Variants in HPSE2 observed in about 807,000 individuals in gnomAD.
The protein encoded by HPSE2 is heparanase 2 (inactive).
A neutral mutation model predicts 60.5 loss-of-function variants in HPSE2; 38 were observed. The observed-to-expected ratio is 0.63, with a 90% CI of 0.48 to 0.82. The LOEUF (loss-of-function observed/expected upper bound fraction) is 0.82. HPSE2 is among the 40% of genes least tolerant of loss of function. HPSE2 has a pLI of 0.00. For missense variants in HPSE2, 713 were observed against 740.4 expected (o/e 0.96, Z 0.43); for synonymous variants, 295 against 293.2 (o/e 1.01, Z -0.06).
chr10:98,507,217 T>A lies in HPSE2; in HGVS notation c.1321-17021A>T, dbSNP rs1339330355. ...CTCATAGGTTGATGGGAGTTATTGGTAATGTTTTAGTTTTGGGGTGGAGTG... is the reference window on the plus strand; with the variant it reads ...CTCATAGGTTGATGGGAGTTATTGGAAATGTTTTAGTTTTGGGGTGGAGTG... On this transcript the variant is annotated intron_variant, in intron 9 of 11. Transcript: ENST00000370552. 2.0e-5 allele frequency among the ~76,000 whole-genome samples: 3 copies of A among 152,160 alleles called. No homozygotes were observed. In the East Asian group the frequency reaches 5.8e-4, roughly 29 times the overall value.
the HPSE2 span, among the ~76,000 whole-genome samples, chr10:99,271,552 T>C: frequency 3.9e-3 from 591 of 152,258 alleles, 4 homozygotes; most frequent in African/African-American, 0.012. Context: ...ATCAATATTG[T>C]GAAAATCATC....
chr10:98,532,736 C>G (rs1943168471), intron 9 of HPSE2, among the ~76,000 whole-genome samples: 1 of 152,134 alleles, frequency 6.6e-6, no homozygotes, highest in Admixed American at 6.5e-5. Flanking sequence ...AAAGATTCTT[C>G]CAGGTATAAT....
intron 7 of HPSE2, among the ~76,000 whole-genome samples, chr10:98,630,195 G>GTTTTTT (rs149014315): frequency 1.6e-5 from 2 of 127,290 alleles, no homozygotes; most frequent in Non-Finnish European, 3.3e-5. Context: ...TTTTTTTTTT[G>GTTTTTT]TTTTTTTTTT....
chr10:99,037,958 A>G (rs1251288898), intron 3 of HPSE2, among the ~76,000 whole-genome samples: 1 of 152,168 alleles, frequency 6.6e-6, no homozygotes, highest in Non-Finnish European at 1.5e-5. Flanking sequence ...ATCACTAGCC[A>G]TTAGGGAAAT....
intron 3 of HPSE2, among the ~76,000 whole-genome samples, chr10:98,829,249 G>A (rs529337121): frequency 3.6e-4 from 55 of 152,254 alleles, no homozygotes; most frequent in African/African-American, 1.3e-3. Context: ...AGAAAGTTGG[G>A]CTGGGCGCAG....
chr10:99,143,259 T>C (rs994658551), intron 3 of HPSE2, among the ~76,000 whole-genome samples: 3 of 152,126 alleles, frequency 2.0e-5, no homozygotes, highest in African/African-American at 7.2e-5. Flanking sequence ...AGGTACAAGA[T>C]GAAAAGCTGG....
At chr10:98,545,423 G>T (rs1039262159) in intron 9 of HPSE2, among the ~76,000 whole-genome samples, 1 of 152,080 alleles carries the variant, frequency 6.6e-6, no homozygotes, top group Non-Finnish European at 1.5e-5. Flanking sequence ...CTGGCAAATC[G>T]AATCCAGCAG....
intron 6 of HPSE2, among the ~76,000 whole-genome samples, chr10:98,653,507 A>G (rs1201512855): frequency 6.7e-6 from 1 of 150,046 alleles, no homozygotes; most frequent in Non-Finnish European, 1.5e-5. Context: ...GTATACTATT[A>G]TATTTCTTTC....
intron 9 of HPSE2, among the ~76,000 whole-genome samples, chr10:98,598,024 A>G (rs1471598683): frequency 2.0e-5 from 3 of 148,600 alleles, no homozygotes; most frequent in African/African-American, 5.0e-5. Flanking sequence ...TGTCCCATGG[A>G]TCCCATAGGC....
At chr10:98,634,843 C>T (rs534069344) in intron 7 of HPSE2, among the ~76,000 whole-genome samples, 7 of 152,258 alleles carry the variant, frequency 4.6e-5, no homozygotes, top group Admixed American at 2.6e-4. Context: ...ATGTCTACCA[C>T]GAGTGGTTCT....
chr10:98,590,172 G>T (rs1945049442), intron 9 of HPSE2, among the ~76,000 whole-genome samples: 1 of 152,264 alleles, frequency 6.6e-6, no homozygotes, highest in South Asian at 2.1e-4. Flanking sequence ...CCCAGGCGTG[G>T]TGGCTCATGC....
At chr10:98,932,851 T>C (rs1954679457) in intron 3 of HPSE2, among the ~76,000 whole-genome samples, 1 of 143,852 alleles carries the variant, frequency 7.0e-6, no homozygotes, top group African/African-American at 2.8e-5. Flanking sequence ...ATTGTGTTTA[T>C]TTGAATCTCC....
At chr10:99,038,126 G>A (rs945718283) in intron 3 of HPSE2, among the ~76,000 whole-genome samples, 2 of 152,044 alleles carry the variant, frequency 1.3e-5, no homozygotes, top group Non-Finnish European at 1.5e-5. Flanking sequence ...AGTTTCTTAA[G>A]GAACTAAATA....
intron 5 of HPSE2, among the ~76,000 whole-genome samples, chr10:98,709,224 T>C (rs181558784): frequency 2.0e-4 from 31 of 152,102 alleles, no homozygotes; most frequent in Non-Finnish European, 3.2e-4. Context: ...ATATTAGAGG[T>C]GGAATAACAT....
At chr10:98,708,207 A>C (rs1948594588) in intron 5 of HPSE2, among the ~76,000 whole-genome samples, 2 of 152,198 alleles carry the variant, frequency 1.3e-5, no homozygotes, top group South Asian at 4.1e-4. Flanking sequence ...CTGTAATCCC[A>C]GTACTTTGGG....
intron 3 of HPSE2, among the ~76,000 whole-genome samples, chr10:98,932,180 G>A (rs1471312684): frequency 6.9e-6 from 1 of 143,940 alleles, no homozygotes; most frequent in East Asian, 2.0e-4. Context: ...TAACATGAAG[G>A]TATGTTGAAT....
At chr10:98,550,472 A>ATT (rs34732107) in intron 9 of HPSE2, among the ~76,000 whole-genome samples, 3 of 143,720 alleles carry the variant, frequency 2.1e-5, no homozygotes, top group Non-Finnish European at 3.1e-5. Context: ...TCTTTCTTAA[A>ATT]TTTTTTTTTT....
At chr10:99,084,708 G>T (rs1391200639) in intron 3 of HPSE2, among the ~76,000 whole-genome samples, 1 of 152,168 alleles carries the variant, frequency 6.6e-6, no homozygotes, top group African/African-American at 2.4e-5. Context: ...CAAAATTCTA[G>T]TAAAGCTAGG....
chr10:99,277,117 T>C, the HPSE2 span, among the ~76,000 whole-genome samples: 1 of 152,162 alleles, frequency 6.6e-6, no homozygotes, highest in Admixed American at 6.5e-5. Flanking sequence ...ATTTGAAAAT[T>C]GCTAGGAGTT....
Sources: gnomAD v4.1 joint callset for allele counts (sites outside exome capture counted in the v4.1 genomes callset) on GRCh38, gnomAD v4.1.1 for gene constraint, MANE v1.5 for transcripts, NCBI Gene and HGNC (gene_info 2026-07-23, HGNC 2026-07-21) for gene names.